Variants in LARGE1 observed in about 807,000 individuals in gnomAD.
LARGE1 encodes the protein xylosyl- and glucuronyltransferase LARGE1.
LARGE1 carries 43 observed loss-of-function variants against 87.6 expected under a neutral mutation model. That is an observed-to-expected ratio of 0.49 (90% CI 0.38 to 0.63). The LOEUF is 0.63. Ranked by LOEUF, LARGE1 falls within the 30% of genes least tolerant of loss-of-function variation. LARGE1 has a pLI of 0.00. For synonymous variants in LARGE1, 434 were observed against 394.6 expected, an observed-to-expected ratio of 1.10 and a Z score of -1.18; for missense variants, 802 against 1,000.2, an observed-to-expected ratio of 0.80 and a Z score of 2.67.
At chr22:33,118,581 A>G in the LARGE1 span, among the ~76,000 whole-genome samples, 1 of 152,074 alleles carries the variant, frequency 6.6e-6, no homozygotes, top group African/African-American at 2.4e-5. Flanking sequence ...CACCCACAGT[A>G]TCTCATTACC....
chr22:33,115,693 C>T, the LARGE1 span, among the ~76,000 whole-genome samples: 2 of 151,708 alleles, frequency 1.3e-5, no homozygotes, highest in Admixed American at 6.6e-5. Flanking sequence ...TGGCACACAC[C>T]TGTAGTCCCA....
At chr22:33,254,717 T>C (rs1927171688) in intron 11 of LARGE1, among the ~76,000 whole-genome samples, 1 of 152,170 alleles carries the variant, frequency 6.6e-6, no homozygotes, top group Non-Finnish European at 1.5e-5. Flanking sequence ...AATGAAATAA[T>C]ATGTAAAGCA....
the LARGE1 span, among the ~76,000 whole-genome samples, chr22:33,089,357 CT>C: frequency 1.5e-4 from 12 of 79,004 alleles, no homozygotes; most frequent in African/African-American, 5.5e-4. Flanking sequence ...TCTTCTTCTT[CT>C]TCTTCTTCTT....
Position 33,791,174 on chromosome 22 carries a change from A to G in LARGE1, c.-82-29616T>C, listed in dbSNP as rs142071337. On this transcript the variant is annotated intron_variant, in intron 1 of 14. Transcript: ENST00000397394. ...AGCGAGATAAATCATTAAAATTAAA[A>G]TGTCTTTGTGCTGTACACTGGAAAG... 1.8e-3 allele frequency among the ~76,000 whole-genome samples: 281 copies of G among 152,352 alleles called. 2 individuals are homozygous for G. Among genetic ancestry groups the G allele is most frequent in the African/African-American group, 6.0e-3 (251 of 41,582 alleles).
intron 11 of LARGE1, among the ~76,000 whole-genome samples, chr22:33,234,274 A>G (rs1022634324): frequency 6.6e-6 from 1 of 152,200 alleles, no homozygotes; most frequent in African/African-American, 2.4e-5. Context: ...AGTGACATAT[A>G]TCATGCCCAC....
chr22:33,590,758 T>C (rs767665793), intron 5 of LARGE1, among the ~76,000 whole-genome samples: 6 of 152,228 alleles, frequency 3.9e-5, no homozygotes, highest in Non-Finnish European at 5.9e-5. Context: ...GTTTACCAGT[T>C]CTTCAGCTGA....
intron 1 of LARGE1, among the ~76,000 whole-genome samples, chr22:33,813,684 T>C (rs1050887926): frequency 2.6e-5 from 4 of 152,326 alleles, no homozygotes; most frequent in Middle Eastern, 3.4e-3. Context: ...AAAGATCTCA[T>C]GGTGAAATCC....
At chr22:33,541,781 G>A (rs1374809704) in intron 6 of LARGE1, among the ~76,000 whole-genome samples, 1 of 149,926 alleles carries the variant, frequency 6.7e-6, no homozygotes, top group Non-Finnish European at 1.5e-5. Flanking sequence ...CTGATGTCAT[G>A]GGATATCAGG....
Position 33,843,853 on chromosome 22 carries a change from G to A in LARGE1, c.-83+76142C>T, listed in dbSNP as rs570017869. Among the ~76,000 whole-genome samples, 9 of 152,112 alleles carry A rather than the reference G, an allele frequency of 5.9e-5. No individual in the cohort carries two copies. The South Asian group carries it at 8.3e-4, about 14-fold the overall frequency. On this transcript the variant is annotated intron_variant, in intron 1 of 14. Transcript: ENST00000397394. The stretch of plus-strand genomic sequence containing the variant: ...TCTTTCCTAAGAGGCCAAGGCGGGC[G>A]GATCACCTGAAGTCAGCAGTTCGAG...
intron 2 of LARGE1, among the ~76,000 whole-genome samples, chr22:33,654,976 A>G (rs1000042794): frequency 2.0e-5 from 3 of 152,212 alleles, no homozygotes; most frequent in African/African-American, 7.2e-5. Flanking sequence ...TACGTTAATC[A>G]AGACTATTGA....
intron 2 of LARGE1, among the ~76,000 whole-genome samples, chr22:33,747,370 C>G (rs973406138): frequency 6.6e-6 from 1 of 152,100 alleles, no homozygotes; most frequent in African/African-American, 2.4e-5. Flanking sequence ...TTCTCTTTCT[C>G]TCCAGCCACC....
At position 33,525,651 on chromosome 22, in the gene LARGE1, C is replaced by G. The variant is rs1175213236; in HGVS notation, c.787+39197G>C. Among the ~76,000 whole-genome samples the G allele has an allele frequency of 2.0e-5, 3 of 152,212 alleles. No homozygotes were observed. The East Asian group carries it at 5.8e-4, about 29-fold the overall frequency. On this transcript the variant is annotated intron_variant, in intron 6 of 14. Transcript: ENST00000397394. ...AGTCCTGGGTCCCCTATGTTTCCCCCCCAGCATACTGGATCCACTCATTAT... is the reference window on the plus strand; with the variant it reads ...AGTCCTGGGTCCCCTATGTTTCCCCGCCAGCATACTGGATCCACTCATTAT...
intron 11 of LARGE1, among the ~76,000 whole-genome samples, chr22:33,234,674 T>A (rs1926167365): frequency 6.6e-6 from 1 of 152,132 alleles, no homozygotes; most frequent in Non-Finnish European, 1.5e-5. Context: ...CCTGAGTAGC[T>A]GGGATCACAG....
chr22:33,155,965 CCCAA>C, the LARGE1 span, among the ~76,000 whole-genome samples: 69,659 of 151,644 alleles, frequency 0.46, 16,106 homozygotes, highest in South Asian at 0.69. Flanking sequence ...GGGTGGAAGC[CCCAA>C]CCAAGCCTTG....
chr22:33,254,935 A>ATTTTTTTTT (rs11363318), intron 11 of LARGE1, among the ~76,000 whole-genome samples: 1 of 128,274 alleles, frequency 7.8e-6, no homozygotes, highest in African/African-American at 3.2e-5. Context: ...CTACCTGTAG[A>ATTTTTTTTT]TTTTTTTTTT....
intron 11 of LARGE1, among the ~76,000 whole-genome samples, chr22:33,176,537 C>T (rs934748949): frequency 1.3e-5 from 2 of 152,076 alleles, no homozygotes; most frequent in South Asian, 4.2e-4. Context: ...ATTTATGCAG[C>T]CAACAAACTT....
chr22:33,699,086 G>A (rs1179667646), intron 2 of LARGE1, among the ~76,000 whole-genome samples: 1 of 152,214 alleles, frequency 6.6e-6, no homozygotes, highest in Non-Finnish European at 1.5e-5. Context: ...AACAACCGAT[G>A]TAAATATGAA....
At chr22:33,697,567 A>AAAAAAAG (rs1362791581) in intron 2 of LARGE1, among the ~76,000 whole-genome samples, 9 of 151,256 alleles carry the variant, frequency 6.0e-5, no homozygotes, top group Non-Finnish European at 1.3e-4. Context: ...AAAAAAAAAA[A>AAAAAAAG]AAAGGAAATA....
intron 1 of LARGE1, among the ~76,000 whole-genome samples, chr22:33,784,962 T>C (rs115018536): frequency 0.095 from 14,271 of 150,846 alleles, 777 homozygotes; most frequent in South Asian, 0.22. Flanking sequence ...TGTACATGGG[T>C]ATATACATGT....
Sources: gnomAD v4.1 joint callset for allele counts (sites outside exome capture counted in the v4.1 genomes callset) on GRCh38, gnomAD v4.1.1 for gene constraint, MANE v1.5 for transcripts, NCBI Gene and HGNC (gene_info 2026-07-23, HGNC 2026-07-21) for gene names.